Variants in CTNND2 observed in about 807,000 individuals in gnomAD.
CTNND2 encodes the protein catenin delta 2.
A neutral mutation model predicts 144.4 loss-of-function variants in CTNND2; 22 were observed. The observed-to-expected ratio is 0.15, with a 90% CI of 0.11 to 0.22. CTNND2 has a LOEUF of 0.22. CTNND2 is among the 10% of genes least tolerant of loss of function. The pLI is 1.00. For missense variants in CTNND2, 1,353 were observed against 1,618.8 expected (o/e 0.84, Z 2.82); for synonymous variants, 751 against 695.6 (o/e 1.08, Z -1.25).
chr5:11,827,846 A>G (rs1793679320), intron 1 of CTNND2, among the ~76,000 whole-genome samples: 1 of 152,232 alleles, frequency 6.6e-6, no homozygotes, highest in Non-Finnish European at 1.5e-5. Flanking sequence ...TGAATATTTT[A>G]AAAGAAATTA....
At chr5:11,035,798 T>C (rs552202841) in intron 16 of CTNND2, among the ~76,000 whole-genome samples, 3 of 152,048 alleles carry the variant, frequency 2.0e-5, no homozygotes, top group African/African-American at 4.8e-5. Context: ...TATGGAAAGG[T>C]TGAGAAGAAG....
intron 16 of CTNND2, among the ~76,000 whole-genome samples, chr5:11,031,256 C>T (rs569168535): frequency 6.6e-6 from 1 of 152,234 alleles, no homozygotes; most frequent in East Asian, 1.9e-4. Flanking sequence ...GTTTGTGTCA[C>T]TGTAGTGAGA....
chr5:11,406,827 CT>C (rs10710380), intron 5 of CTNND2, among the ~76,000 whole-genome samples: 4,686 of 151,530 alleles, frequency 0.031, 242 homozygotes, highest in Admixed American at 0.13. Flanking sequence ...ATAATATGTA[CT>C]TTTTTTTAAC....
intron 2 of CTNND2, among the ~76,000 whole-genome samples, chr5:11,696,643 G>A (rs1057186448): frequency 1.3e-5 from 2 of 152,166 alleles, no homozygotes; most frequent in Admixed American, 6.5e-5. Flanking sequence ...AGAAATGAGC[G>A]CTCATTGTTC....
intron 3 of CTNND2, among the ~76,000 whole-genome samples, chr5:11,534,737 T>C (rs1774060431): frequency 6.6e-6 from 1 of 152,200 alleles, no homozygotes; most frequent in Non-Finnish European, 1.5e-5. Flanking sequence ...CTTTAGAAGG[T>C]TGTCATCCAA....
At chr5:11,728,677 T>C (rs944202095) in intron 2 of CTNND2, among the ~76,000 whole-genome samples, 1 of 152,082 alleles carries the variant, frequency 6.6e-6, no homozygotes, top group Non-Finnish European at 1.5e-5. Flanking sequence ...ACAATGAAAA[T>C]TAGTGTAACA....
intron 3 of CTNND2, among the ~76,000 whole-genome samples, chr5:11,520,149 GAAA>G (rs35979486): frequency 4.9e-5 from 6 of 123,458 alleles, no homozygotes; most frequent in Non-Finnish European, 3.4e-5. Context: ...CTCTGTCTTG[GAAA>G]AAAAAAAAAA....
intron 1 of CTNND2, among the ~76,000 whole-genome samples, chr5:11,832,092 G>T (rs891328319): frequency 6.6e-6 from 1 of 151,952 alleles, no homozygotes; most frequent in African/African-American, 2.4e-5. Context: ...GACCATCCTG[G>T]CTAACATGGT....
intron 1 of CTNND2, among the ~76,000 whole-genome samples, chr5:11,737,773 T>C (rs1787773042): frequency 1.3e-5 from 2 of 152,106 alleles, no homozygotes; most frequent in Admixed American, 1.3e-4. Flanking sequence ...GGACTTCATG[T>C]GCTTATACGA....
chr5:11,382,639 GTGTGTGTA>G (rs1236390607), intron 7 of CTNND2, among the ~76,000 whole-genome samples: 2 of 147,684 alleles, frequency 1.4e-5, no homozygotes, highest in African/African-American at 5.0e-5. Flanking sequence ...GTGTGTGTGT[GTGTGTGTA>G]GAATGATGAA....
intron 3 of CTNND2, among the ~76,000 whole-genome samples, chr5:11,455,762 G>C (rs1421484437): frequency 6.6e-6 from 1 of 152,130 alleles, no homozygotes; most frequent in African/African-American, 2.4e-5. Context: ...TTAGATAATG[G>C]CAACTAATGC....
chr5:10,984,711 A>G (rs1737719165), intron 20 of CTNND2, among the ~76,000 whole-genome samples: 1 of 152,168 alleles, frequency 6.6e-6, no homozygotes, highest in Non-Finnish European at 1.5e-5. Flanking sequence ...ATGCCTTTCT[A>G]TTTTTCTAAC....
At chr5:11,252,026 T>G (rs1348537839) in intron 9 of CTNND2, among the ~76,000 whole-genome samples, 2 of 152,204 alleles carry the variant, frequency 1.3e-5, no homozygotes, top group Non-Finnish European at 2.9e-5. Flanking sequence ...AAGAGTACAG[T>G]AGAATGAGAT....
intron 2 of CTNND2, among the ~76,000 whole-genome samples, chr5:11,565,938 T>C (rs1451152381): frequency 6.6e-6 from 1 of 152,184 alleles, no homozygotes; most frequent in Non-Finnish European, 1.5e-5. Context: ...CTTTTAAAAA[T>C]AAATTATCTA....
intron 1 of CTNND2, among the ~76,000 whole-genome samples, chr5:11,767,762 C>T (rs1789680595): frequency 6.6e-6 from 1 of 152,134 alleles, no homozygotes; most frequent in East Asian, 1.9e-4. Context: ...TTGAGGTAAG[C>T]TCTGTATTTG....
At chr5:11,868,534 T>C (rs757674303) in intron 1 of CTNND2, among the ~76,000 whole-genome samples, 44 of 152,312 alleles carry the variant, frequency 2.9e-4, no homozygotes, top group South Asian at 6.2e-4. Context: ...ATGACTTGAA[T>C]AGACATTACT....
chr5:11,607,339 G>A (rs969394545), intron 2 of CTNND2, among the ~76,000 whole-genome samples: 9 of 151,986 alleles, frequency 5.9e-5, no homozygotes, highest in East Asian at 1.9e-4. Flanking sequence ...TAAGACAGGC[G>A]TACAGATATA....
intron 3 of CTNND2, among the ~76,000 whole-genome samples, chr5:11,413,450 T>C (rs1459868240): frequency 6.6e-6 from 1 of 152,206 alleles, no homozygotes; most frequent in East Asian, 1.9e-4. Context: ...AAGAAGTCTA[T>C]GGATCATTAC....
At chr5:11,835,249 T>C (rs181552343) in intron 1 of CTNND2, among the ~76,000 whole-genome samples, 8 of 152,378 alleles carry the variant, frequency 5.3e-5, no homozygotes, top group African/African-American at 1.9e-4. Context: ...ATGAGGAGTA[T>C]TGGCCTGTAG....
Sources: allele counts gnomAD v4.1 joint callset (sites outside exome capture counted in the v4.1 genomes callset), GRCh38; gene constraint gnomAD v4.1.1; transcripts MANE v1.5; gene names NCBI Gene and HGNC (gene_info 2026-07-23, HGNC 2026-07-21).